The following CPQ variants were observed in gnomAD, a reference collection of about 807,000 sequenced individuals.
The protein encoded by CPQ is Ser-Met dipeptidase.
In CPQ, 37 loss-of-function variants were observed where a neutral mutation model predicts 45.7. The observed-to-expected ratio is 0.81, with a 90% CI of 0.62 to 1.07. The LOEUF is 1.07. CPQ is among the 50% of genes least tolerant of loss of function. CPQ has a pLI of 0.00. For synonymous variants in CPQ, 186 were observed against 205.8 expected, an observed-to-expected ratio of 0.90 and a Z score of 0.82; for missense variants, 537 against 572.9, an observed-to-expected ratio of 0.94 and a Z score of 0.64.
At chr8:97,003,299 C>A (rs1396085760) in intron 5 of CPQ, among the ~76,000 whole-genome samples, 1 of 152,080 alleles carries the variant, frequency 6.6e-6, no homozygotes, top group African/African-American at 2.4e-5. Context: ...ATCCTGTCAT[C>A]ATGTTAGCTG....
chr8:96,684,964 C>A (rs2130732325), intron 1 of CPQ, among the ~76,000 whole-genome samples: 1 of 151,912 alleles, frequency 6.6e-6, no homozygotes, highest in Non-Finnish European at 1.5e-5. Flanking sequence ...ATTAGCCAGG[C>A]ATGGTGGCGC....
At chr8:96,765,949 A>G (rs1010069623) in intron 1 of CPQ, among the ~76,000 whole-genome samples, 2 of 152,200 alleles carry the variant, frequency 1.3e-5, no homozygotes, top group Non-Finnish European at 2.9e-5. Flanking sequence ...TACGATGGAG[A>G]AAGTCCTAAA....
chr8:96,925,672 C>A (rs889956562), intron 4 of CPQ, among the ~76,000 whole-genome samples: 4 of 150,178 alleles, frequency 2.7e-5, no homozygotes, highest in African/African-American at 9.8e-5. Context: ...CATGAGCCAC[C>A]GTGCCTGGCA....
intron 4 of CPQ, among the ~76,000 whole-genome samples, chr8:96,885,350 C>T (rs1246294430): frequency 6.6e-6 from 1 of 152,102 alleles, no homozygotes; most frequent in African/African-American, 2.4e-5. Flanking sequence ...CATATTAGGC[C>T]CCACCTTCCA....
At chr8:96,905,015 T>C (rs1022557122) in intron 4 of CPQ, among the ~76,000 whole-genome samples, 1 of 152,162 alleles carries the variant, frequency 6.6e-6, no homozygotes, top group African/African-American at 2.4e-5. Context: ...TTCACTCTGC[T>C]ATAAAGAACT....
intron 7 of CPQ, among the ~76,000 whole-genome samples, chr8:97,098,882 A>ATG (rs1485536635): frequency 6.6e-6 from 1 of 152,134 alleles, no homozygotes; most frequent in Non-Finnish European, 1.5e-5. Flanking sequence ...CTGAGGTTGT[A>ATG]TGTGTGTGTG....
intron 5 of CPQ, among the ~76,000 whole-genome samples, chr8:97,002,216 T>C (rs964272456): frequency 1.3e-5 from 2 of 152,006 alleles, no homozygotes. Context: ...GAATCAACTC[T>C]TGGACTTGTT....
chr8:96,916,098 T>C (rs931874160), intron 4 of CPQ, among the ~76,000 whole-genome samples: 3 of 152,182 alleles, frequency 2.0e-5, no homozygotes, highest in African/African-American at 7.2e-5. Context: ...ACTTGCCTAC[T>C]TCCCTTCCTT....
At chr8:96,665,103 AAAAG>A (rs1266260517) in intron 1 of CPQ, among the ~76,000 whole-genome samples, 1 of 152,218 alleles carries the variant, frequency 6.6e-6, no homozygotes, top group Non-Finnish European at 1.5e-5. Flanking sequence ...ATGACCTGTG[AAAAG>A]AAAGGGCAGG....
chr8:97,124,454 A>G (rs1811811911), intron 7 of CPQ, among the ~76,000 whole-genome samples: 2 of 152,150 alleles, frequency 1.3e-5, no homozygotes, highest in African/African-American at 4.8e-5. Context: ...AGAACACTGC[A>G]TTCAACAACA....
At chr8:96,996,393 G>A (rs1403259225) in intron 5 of CPQ, among the ~76,000 whole-genome samples, 1 of 151,930 alleles carries the variant, frequency 6.6e-6, no homozygotes, top group Admixed American at 6.6e-5. Flanking sequence ...TTGCAGACCA[G>A]GAAAGGTTTA....
At position 97,105,501 on chromosome 8, in the gene CPQ, T is replaced by C. The variant is rs545940681; in HGVS notation, c.1256-37519T>C. On this transcript the variant is annotated intron_variant, in intron 7 of 7. Transcript: ENST00000220763. The stretch of plus-strand genomic sequence containing the variant: ...TTGAGTCGTTTCTACCTTTTGGTTA[T>C]TGTGAATAATGTTGCTATAAACATT... 3.9e-4 allele frequency among the ~76,000 whole-genome samples: 59 copies of C among 152,338 alleles called. 1 individual carries two copies. The highest frequency in any genetic ancestry group is 3.4e-3 in the Middle Eastern group (1 of 294).
At chr8:96,725,540 T>C (rs1809825055) in intron 1 of CPQ, among the ~76,000 whole-genome samples, 1 of 152,112 alleles carries the variant, frequency 6.6e-6, no homozygotes, top group Admixed American at 6.6e-5. Flanking sequence ...TGAAATACCA[T>C]CTCACACTAG....
rs149439997 is a variant in CPQ, at chr8:96,694,920, T to C, written c.-35+49518T>C. 4.8e-3 allele frequency among the ~76,000 whole-genome samples: 731 copies of C among 152,160 alleles called. 10 individuals carry two copies. Among genetic ancestry groups the C allele is most frequent in the African/African-American group, 0.017 (693 of 41,540 alleles). Reference sequence around the variant, plus strand: ...CATTGGTAGCTTGATGAGGATGGCATTGAATCTGTAAATTACTACTTTACA... The same window carrying C: ...CATTGGTAGCTTGATGAGGATGGCACTGAATCTGTAAATTACTACTTTACA... On this transcript the variant is annotated intron_variant, in intron 1 of 7. Coordinates refer to ENST00000220763, the MANE Select transcript of CPQ (RefSeq NM_016134.4).
At chr8:97,017,875 A>G (rs1354911796) in intron 5 of CPQ, among the ~76,000 whole-genome samples, 1 of 152,078 alleles carries the variant, frequency 6.6e-6, no homozygotes, top group African/African-American at 2.4e-5. Flanking sequence ...GTTCCTCCCC[A>G]TATTACCACA....
At chr8:96,903,681 T>C (rs922507039) in intron 4 of CPQ, among the ~76,000 whole-genome samples, 1 of 152,196 alleles carries the variant, frequency 6.6e-6, no homozygotes, top group Admixed American at 6.5e-5. Context: ...AGAAGAGAAG[T>C]AGCTGTCAAG....
chr8:97,034,333 C>T (rs77981891), intron 6 of CPQ, among the ~76,000 whole-genome samples: 1 of 152,220 alleles, frequency 6.6e-6, no homozygotes, highest in East Asian at 1.9e-4. Context: ...CAGTTCATAG[C>T]GGAAAGTCCC....
chr8:96,665,434 G>A (rs375448733), intron 1 of CPQ, among the ~76,000 whole-genome samples: 1 of 152,146 alleles, frequency 6.6e-6, no homozygotes, highest in Non-Finnish European at 1.5e-5. Flanking sequence ...TGAATACGTG[G>A]GGAATGAATG....
At chr8:96,884,474 T>C (rs1333650584) in intron 4 of CPQ, among the ~76,000 whole-genome samples, 3 of 152,012 alleles carry the variant, frequency 2.0e-5, no homozygotes, top group Non-Finnish European at 4.4e-5. Flanking sequence ...ATAAAGGTTG[T>C]GATGAAGATA....
Sources: gnomAD v4.1 joint callset for allele counts (sites outside exome capture counted in the v4.1 genomes callset) on GRCh38, gnomAD v4.1.1 for gene constraint, MANE v1.5 for transcripts, NCBI Gene and HGNC (gene_info 2026-07-23, HGNC 2026-07-21) for gene names.